Variants in NF1 observed in about 807,000 individuals in gnomAD.
NF1 encodes the protein neurofibromin.
Under a neutral mutation model 325.7 loss-of-function variants are expected in NF1, and 122 were observed. The observed-to-expected ratio is 0.37, with a 90% CI of 0.32 to 0.44. The LOEUF is 0.44. Ranked by LOEUF, NF1 falls within the 20% of genes least tolerant of loss-of-function variation. NF1 has a pLI of 1.00. For synonymous variants in NF1, 1,091 were observed against 1,186.0 expected (o/e 0.92, Z 1.65); for missense variants, 2,140 against 3,415.4 (o/e 0.63, Z 9.31).
chr17:31,239,347 A>G (rs912223536), intron 29 of NF1, among the ~76,000 whole-genome samples: 1 of 152,244 alleles, frequency 6.6e-6, no homozygotes, highest in African/African-American at 2.4e-5. Flanking sequence ...GTGAATTTGT[A>G]GTTATATCAA....
At chr17:31,247,081 A>G (rs2067405399) in intron 29 of NF1, among the ~76,000 whole-genome samples, 1 of 151,824 alleles carries the variant, frequency 6.6e-6, no homozygotes, top group Non-Finnish European at 1.5e-5. Context: ...CTGTAGTCCC[A>G]TCTACTTGGG....
intron 35 of NF1, among the ~76,000 whole-genome samples, chr17:31,263,591 T>C (rs1294867354): frequency 4.0e-5 from 6 of 151,306 alleles, no homozygotes; most frequent in Admixed American, 1.3e-4. Context: ...TTATTATTCC[T>C]TTTTTCTGAG....
intron 8 of NF1, among the ~76,000 whole-genome samples, chr17:31,196,821 C>A (rs887698194): frequency 6.6e-6 from 1 of 152,124 alleles, no homozygotes; most frequent in African/African-American, 2.4e-5. Context: ...ATGGTCTTAG[C>A]ATCTTTGTCA....
At chr17:31,154,347 G>A (rs117202101) in intron 1 of NF1, among the ~76,000 whole-genome samples, 3,303 of 152,152 alleles carry the variant, frequency 0.022, 67 homozygotes, top group Non-Finnish European at 0.033. Flanking sequence ...GTGAGCCACC[G>A]CACCTGGCCA....
chr17:31,113,675 A>G (rs1038755834), intron 1 of NF1, among the ~76,000 whole-genome samples: 2 of 151,568 alleles, frequency 1.3e-5, no homozygotes, highest in Non-Finnish European at 1.5e-5. Context: ...GACTGTAAAC[A>G]CTCACCACGA....
chr17:31,330,017 T>A (rs1446148341), intron 38 of NF1, among the ~76,000 whole-genome samples: 3 of 152,172 alleles, frequency 2.0e-5, no homozygotes, highest in Non-Finnish European at 4.4e-5. Flanking sequence ...CTCAGTGAGA[T>A]GTATTTTAGG....
At position 31,340,626 on chromosome 17, in the gene NF1, T is replaced by C; in HGVS notation, c.7043T>C (p.Leu2348Pro). ...LEQNLHTLDS[L>P]RIFNDKSPEE... is the part of the protein sequence containing the mutation. ...CAAAACCTGCATACTTTAGATAGTC[T>C]CCGTATATTCAATGACAAGGTAAGC... Residue 2348 changes from leucine to proline, a missense_variant, in exon 47 of 58, where the codon CTC (leucine) becomes CCC (proline). Transcript: ENST00000358273. The C allele has an allele frequency of 6.2e-7, 1 of 1,614,094 alleles. No individual in the cohort carries two copies. The highest frequency in any genetic ancestry group is 8.5e-7 in the Non-Finnish European group (1 of 1,180,004).
At chr17:31,354,780 T>G (rs2070232080) in intron 51 of NF1, among the ~76,000 whole-genome samples, 3 of 152,046 alleles carry the variant, frequency 2.0e-5, no homozygotes, top group African/African-American at 7.3e-5. Flanking sequence ...GGCAGGAGGA[T>G]TGTTTGAGGC....
At chr17:31,263,786 G>A (rs765103481) in intron 35 of NF1, among the ~76,000 whole-genome samples, 13 of 151,356 alleles carry the variant, frequency 8.6e-5, no homozygotes, top group Non-Finnish European at 1.9e-4. Flanking sequence ...AAAAAATGAA[G>A]GTAGCTTTAT....
intron 36 of NF1, among the ~76,000 whole-genome samples, chr17:31,321,301 A>G (rs2069183638): frequency 1.3e-5 from 2 of 152,190 alleles, no homozygotes; most frequent in Non-Finnish European, 2.9e-5. Flanking sequence ...TTAAAACTCC[A>G]TGGCGATGGC....
chr17:31,238,640 G>T (rs2067243207), intron 29 of NF1, among the ~76,000 whole-genome samples: 1 of 152,002 alleles, frequency 6.6e-6, no homozygotes, highest in African/African-American at 2.4e-5. Context: ...GGCTGAGGCA[G>T]GAGAATCGCT....
rs754087844 is a variant in NF1 at position 31,232,889 on chromosome 17, C to T, written c.3496+8C>T. 5.0e-6 allele frequency: 8 copies of T among 1,613,662 alleles called. No homozygotes were observed. The highest frequency in any genetic ancestry group is 6.8e-6 in the Non-Finnish European group (8 of 1,179,932). On this transcript the variant is annotated splice_region_variant and intron_variant, in intron 26 of 57. Coordinates refer to ENST00000358273, the MANE Select transcript of NF1 (RefSeq NM_001042492.3). Reference sequence around the variant, plus strand: ...GTCTCATGCACTCCATAGGTGAGATCAAATGAAAGTTTCATATAGAAATAC... The same window carrying T: ...GTCTCATGCACTCCATAGGTGAGATTAAATGAAAGTTTCATATAGAAATAC...
At chr17:31,344,940 C>T (rs1280212992) in intron 48 of NF1, among the ~76,000 whole-genome samples, 2 of 152,074 alleles carry the variant, frequency 1.3e-5, no homozygotes, top group African/African-American at 2.4e-5. Flanking sequence ...CTGGCCAACA[C>T]GGTGAAACCC....
At chr17:31,130,474 G>C (rs1466484636) in intron 1 of NF1, among the ~76,000 whole-genome samples, 1 of 152,132 alleles carries the variant, frequency 6.6e-6, no homozygotes, top group Non-Finnish European at 1.5e-5. Flanking sequence ...GGGGGCTGCT[G>C]GTACACATGC....
At chr17:31,131,102 C>T (rs1162981865) in intron 1 of NF1, among the ~76,000 whole-genome samples, 1 of 152,218 alleles carries the variant, frequency 6.6e-6, no homozygotes, top group Non-Finnish European at 1.5e-5. Flanking sequence ...GAGTTCAGGT[C>T]TGGCAGTTCC....
chr17:31,260,308 T>TG, intron 33 of NF1, 61 bp from the exon 34 acceptor site: 2 of 1,547,072 alleles, frequency 1.3e-6, no homozygotes, highest in African/African-American at 2.7e-5. Flanking sequence ...ATAAATTTAA[T>TG]TCAAACATAA....
chr17:31,362,206 G>A (rs2070416874), intron 57 of NF1: 4 of 546,352 alleles, frequency 7.3e-6, no homozygotes, highest in Non-Finnish European at 9.3e-6. Flanking sequence ...GCACTGCCCT[G>A]GGGTCTGCTT....
At chr17:31,164,073 T>A (rs1387093852) in intron 4 of NF1, among the ~76,000 whole-genome samples, 1 of 152,190 alleles carries the variant, frequency 6.6e-6, no homozygotes, top group Non-Finnish European at 1.5e-5. Flanking sequence ...CTTCCCTCAT[T>A]TTACAGGTGA....
intron 48 of NF1, chr17:31,345,472 C>CCG: frequency 6.9e-7 from 1 of 1,444,098 alleles, no homozygotes; most frequent in South Asian, 1.4e-5. Flanking sequence ...CCCTCCGGGG[C>CCG]CGCGGTCGGG....
Sources: allele counts gnomAD v4.1 joint callset (sites outside exome capture counted in the v4.1 genomes callset), GRCh38; gene constraint gnomAD v4.1.1; transcripts MANE v1.5; gene names NCBI Gene and HGNC (gene_info 2026-07-23, HGNC 2026-07-21).